INPP4B: variants seen among roughly 807,000 people sequenced by gnomAD.
The protein encoded by INPP4B is inositol polyphosphate 4-phosphatase type II.
INPP4B carries 55 observed loss-of-function variants against 122.5 expected under a neutral mutation model. The observed-to-expected ratio is 0.45, with a 90% CI of 0.36 to 0.56. The LOEUF is 0.56. INPP4B is among the 20% of genes least tolerant of loss of function. The probability of loss-of-function intolerance (pLI) is 0.00; values close to 1 mark genes in which losing one functional copy is unlikely to be tolerated. For missense variants in INPP4B, 1,000 were observed against 1,097.7 expected (o/e 0.91, Z 1.26); for synonymous variants, 403 against 388.7 (o/e 1.04, Z -0.43).
chr4:142,353,047 G>A (rs1782405221), intron 7 of INPP4B, among the ~76,000 whole-genome samples: 1 of 151,804 alleles, frequency 6.6e-6, no homozygotes, highest in Non-Finnish European at 1.5e-5. Flanking sequence ...TGCTACCACC[G>A]AGGATAAAAG....
At chr4:142,716,336 C>A (rs1454094918) in intron 2 of INPP4B, among the ~76,000 whole-genome samples, 2 of 152,320 alleles carry the variant, frequency 1.3e-5, no homozygotes, top group Non-Finnish European at 2.9e-5. Context: ...CAAAAATTAG[C>A]AAGCTATAGG....
chr4:142,442,270 G>C (rs1811920263), intron 3 of INPP4B, among the ~76,000 whole-genome samples: 1 of 151,886 alleles, frequency 6.6e-6, no homozygotes, highest in Non-Finnish European at 1.5e-5. Flanking sequence ...AAATTAGCTG[G>C]ACGTGGTGGC....
intron 25 of INPP4B, among the ~76,000 whole-genome samples, chr4:142,051,348 A>C (rs1754491191): frequency 6.6e-6 from 1 of 151,956 alleles, no homozygotes; most frequent in South Asian, 2.1e-4. Context: ...GTATTCCGTA[A>C]GTATTGTTAT....
At chr4:142,653,961 G>A (rs573418493) in intron 2 of INPP4B, among the ~76,000 whole-genome samples, 1 of 152,096 alleles carries the variant, frequency 6.6e-6, no homozygotes, top group Non-Finnish European at 1.5e-5. Flanking sequence ...CAAAGACTTG[G>A]AACCAACCCA....
intron 7 of INPP4B, among the ~76,000 whole-genome samples, chr4:142,401,470 A>C (rs2149138127): frequency 1.3e-5 from 2 of 152,344 alleles, no homozygotes; most frequent in South Asian, 4.1e-4. Flanking sequence ...AAGAAGTAAT[A>C]AACAGCAAAT....
chr4:142,070,674 G>C (rs547208647), intron 25 of INPP4B, among the ~76,000 whole-genome samples: 12 of 152,254 alleles, frequency 7.9e-5, no homozygotes, highest in African/African-American at 2.9e-4. Context: ...AAAATCACAA[G>C]CATTCCTATA....
At chr4:142,812,757 C>A (rs575696180) in intron 1 of INPP4B, among the ~76,000 whole-genome samples, 2 of 152,244 alleles carry the variant, frequency 1.3e-5, no homozygotes, top group South Asian at 4.1e-4. Flanking sequence ...GCAATAAAGA[C>A]TTCTAGAATC....
chr4:142,206,354 TC>T (rs1328685537), intron 14 of INPP4B, among the ~76,000 whole-genome samples: 3 of 61,780 alleles, frequency 4.9e-5, no homozygotes, highest in Non-Finnish European at 6.6e-5. Context: ...TCTCTCTCTC[TC>T]TTTTTTTTTT....
intron 11 of INPP4B, among the ~76,000 whole-genome samples, chr4:142,243,271 T>C (rs1860432903): frequency 1.3e-5 from 2 of 152,242 alleles, no homozygotes; most frequent in Admixed American, 1.3e-4. Context: ...AGGAGATAAA[T>C]GGACTTAGGA....
At chr4:142,532,629 T>C (rs1472928650) in intron 2 of INPP4B, among the ~76,000 whole-genome samples, 1 of 152,110 alleles carries the variant, frequency 6.6e-6, no homozygotes, top group Non-Finnish European at 1.5e-5. Flanking sequence ...CAGATTAAGA[T>C]AGGACCTCAG....
chr4:142,379,223 T>C (rs1482625704), intron 7 of INPP4B, among the ~76,000 whole-genome samples: 1 of 152,172 alleles, frequency 6.6e-6, no homozygotes, highest in African/African-American at 2.4e-5. Flanking sequence ...TCTATCATCA[T>C]TACCCAAGTT....
In INPP4B at chr4:142,023,724, A is replaced by C. The variant is rs1039843049; in HGVS notation, c.*5058T>G. ...GAATGTATTTACACTGTGAGTGTGAAAGGGCAACATTTTTCTTCCTAAAGA... is the reference window on the plus strand; with the variant it reads ...GAATGTATTTACACTGTGAGTGTGACAGGGCAACATTTTTCTTCCTAAAGA... On this transcript the variant is annotated 3_prime_UTR_variant, in exon 26 of 26. Coordinates refer to ENST00000262992, the MANE Select transcript of INPP4B (RefSeq NM_001101669.3). 7 of 152,136 alleles carry C rather than the reference A, an allele frequency of 4.6e-5. No individual in the cohort carries two copies. The highest frequency in any genetic ancestry group is 1.7e-4 in the African/African-American group (7 of 41,442). 9.4% of individuals were successfully genotyped at this position (152,136 alleles called of 1,614,324 possible). A position where few individuals can be genotyped will look rare whatever the true frequency, so the allele number is the denominator to read the frequency against.
At chr4:142,445,599 A>C (rs971693493) in intron 3 of INPP4B, among the ~76,000 whole-genome samples, 1 of 152,196 alleles carries the variant, frequency 6.6e-6, no homozygotes, top group Non-Finnish European at 1.5e-5. Context: ...AATCCACAAT[A>C]CTTGAGGACA....
intron 1 of INPP4B, among the ~76,000 whole-genome samples, chr4:142,738,087 G>C (rs1291630839): frequency 6.6e-6 from 1 of 152,148 alleles, no homozygotes; most frequent in Non-Finnish European, 1.5e-5. Context: ...AATACCATTT[G>C]ACCCAGCCAT....
intron 1 of INPP4B, among the ~76,000 whole-genome samples, chr4:142,729,345 GCACGTGACAAACTGA>G (rs1561005366): frequency 6.6e-6 from 1 of 152,122 alleles, no homozygotes; most frequent in Non-Finnish European, 1.5e-5. Context: ...ACACCCAGCT[GCACGTGACAAACTGA>G]CTTACAGTTT....
In INPP4B at chr4:142,338,428, TG is replaced by T. The variant is rs546442482; in HGVS notation, c.373-23667del. On this transcript the variant is annotated intron_variant, in intron 7 of 25. Transcript: ENST00000262992. ...TTTTTTTTTGTATTTTTAGTAGAGA[TG>T]GGGTTTCACCTTTTTAGCTAGGATG... Among the ~76,000 whole-genome samples, 3 of 152,086 alleles carry T rather than the reference TG, an allele frequency of 2.0e-5. No homozygotes were observed. In the South Asian group the frequency reaches 6.2e-4, roughly 32 times the overall value.
rs1808751698 is a variant in INPP4B, at chr4:142,429,176, G to A, written c.133C>T (p.Leu45Phe). 1.3e-6 allele frequency: 2 copies of A among 1,544,490 alleles called. No individual in the cohort carries two copies. The highest frequency in any genetic ancestry group is 1.8e-6 in the Non-Finnish European group (2 of 1,122,592). ...TAAATAAGATGGAATTTCTTACCAA[G>A]GATGAATTCCAACTGCGGTTCATTT... ...TPNEPQLEFILACKDLVAPVR... is the reference protein window; with the variant it reads ...TPNEPQLEFIFACKDLVAPVR... Residue 45 changes from leucine (L) to phenylalanine (F), a missense_variant, in exon 5 of 26, where the codon CTT (leucine) becomes TTT (phenylalanine). Coordinates refer to ENST00000262992, the MANE Select transcript of INPP4B (RefSeq NM_001101669.3).
intron 1 of INPP4B, among the ~76,000 whole-genome samples, chr4:142,788,340 C>A (rs1330742828): frequency 2.6e-5 from 4 of 151,966 alleles, no homozygotes; most frequent in Non-Finnish European, 5.9e-5. Context: ...AGAAGATGGA[C>A]TTTCTAAGAT....
chr4:142,207,858 T>C (rs1843207194), intron 14 of INPP4B, among the ~76,000 whole-genome samples: 2 of 152,182 alleles, frequency 1.3e-5, no homozygotes, highest in Admixed American at 6.5e-5. Context: ...TGACACCATA[T>C]TGGTCACTCT....
Sources: allele counts gnomAD v4.1 joint callset (sites outside exome capture counted in the v4.1 genomes callset), GRCh38; gene constraint gnomAD v4.1.1; transcripts MANE v1.5; gene names NCBI Gene and HGNC (gene_info 2026-07-23, HGNC 2026-07-21).